GGT5: variants seen among roughly 807,000 people sequenced by gnomAD.
The protein encoded by GGT5 is gamma-glutamyltransferase 5.
GGT5 carries 50 observed loss-of-function variants against 58.1 expected under a neutral mutation model. The observed-to-expected ratio is 0.86, with a 90% confidence interval of 0.69 to 1.09. GGT5 has a LOEUF of 1.09. Among genes scored for constraint, GGT5 ranks in the 50% least tolerant of loss-of-function variants. The pLI is 0.00. For missense variants in GGT5, 800 were observed against 789.4 expected, an observed-to-expected ratio of 1.01 and a Z score of -0.16; for synonymous variants, 370 against 346.1, an observed-to-expected ratio of 1.07 and a Z score of -0.77.
chr22:24,239,207 C>T (rs1191740963), intron 1 of GGT5, among the ~76,000 whole-genome samples: 1 of 150,534 alleles, frequency 6.6e-6, no homozygotes, highest in Middle Eastern at 3.2e-3. Context: ...GGCGTGGTGG[C>T]GGGTGACTGT....
At chr22:24,224,915 G>T in intron 11 of GGT5, 81 bp downstream of exon 11, 2 of 875,646 alleles carry the variant, frequency 2.3e-6, no homozygotes, top group Non-Finnish European at 1.8e-6. Context: ...CAGTGACTGA[G>T]TTCCTCCCAG....
intron 1 of GGT5, among the ~76,000 whole-genome samples, chr22:24,237,405 ATATTTATT>A (rs67402234): frequency 7.9e-5 from 12 of 151,188 alleles, no homozygotes; most frequent in African/African-American, 2.7e-4. Context: ...AAATTATTTT[ATATTTATT>A]TATTTATTTA....
rs2047791528 is a variant in GGT5 at position 24,227,071 on chromosome 22, C to T, written c.902-304G>A. The stretch of plus-strand genomic sequence containing the variant: ...TCAAGTGATTCTTGGTCCTTAGTCT[C>T]CTGAGTAGCTGAGACTACATGTGTT... On this transcript the variant is annotated intron_variant, in intron 6 of 11. Transcript: ENST00000327365. Among the ~76,000 whole-genome samples the T allele has an allele frequency of 2.6e-5, 4 of 151,030 alleles. No homozygotes were observed. The Admixed American group carries it at 2.7e-4, about 10-fold the overall frequency.
Position 24,233,496 on chromosome 22 carries a change from A to C in GGT5, c.400+2T>G. On this transcript the variant is annotated splice_donor_variant, in intron 3 of 11. Coordinates refer to ENST00000327365, the MANE Select transcript of GGT5 (RefSeq NM_004121.5). LOFTEE classifies it high-confidence loss of function. Reference sequence around the variant, plus strand: ...GAGTGGGGGACCTCCATGGGGCGTCACCTGTGCCCAGTGGCAGAGCCTGTG... The same window carrying C: ...GAGTGGGGGACCTCCATGGGGCGTCCCCTGTGCCCAGTGGCAGAGCCTGTG... 6.3e-7 allele frequency: 1 copy of C among 1,576,826 alleles called. No homozygotes were observed. Among genetic ancestry groups the C allele is most frequent in the Non-Finnish European group, 8.7e-7 (1 of 1,155,342 alleles).
At chr22:24,226,028 T>C in intron 8 of GGT5, 48 bp downstream of exon 8, 1 of 1,345,574 alleles carries the variant, frequency 7.4e-7, no homozygotes, top group Non-Finnish European at 1.0e-6. Flanking sequence ...TGTGCAGGTC[T>C]AGGAGAGGAG....
intron 11 of GGT5, among the ~76,000 whole-genome samples, chr22:24,223,671 C>G (rs1460879865): frequency 6.6e-6 from 1 of 150,964 alleles, no homozygotes; most frequent in African/African-American, 2.4e-5. Context: ...GTTCTAAGGG[C>G]TTTGGAAGGT....
At chr22:24,238,238 A>AG in intron 1 of GGT5, among the ~76,000 whole-genome samples, 1 of 149,920 alleles carries the variant, frequency 6.7e-6, no homozygotes, top group East Asian at 2.0e-4. Context: ...CAAAAAAAAA[A>AG]AAAAAAAAAG....
intron 6 of GGT5, among the ~76,000 whole-genome samples, chr22:24,227,553 A>G (rs1431618976): frequency 6.6e-6 from 1 of 152,100 alleles, no homozygotes; most frequent in African/African-American, 2.4e-5. Context: ...GGCCTAAAGT[A>G]CGTTAAAGAT....
In GGT5 at chr22:24,228,050, AAAAAAAAAAAAAAAAACAAAAC is replaced by A. The variant is rs977441657; in HGVS notation, c.902-1305_902-1284del. 4.4e-4 allele frequency among the ~76,000 whole-genome samples: 49 copies of A among 110,446 alleles called. 3 individuals are homozygous for A. In the East Asian group the frequency reaches 6.9e-3, roughly 16 times the overall value. 72.5% of individuals were successfully genotyped at this position (110,446 alleles called of 152,430 possible). On this transcript the variant is annotated intron_variant, in intron 6 of 11. Transcript: ENST00000327365. ...GTAAACAGAGCAAGACTCTGTCTCA[AAAAAAAAAAAAAAAAACAAAAC>A]AAAAAAAAAAAAACTCTGAAAAATA... is the stretch of plus-strand genomic sequence containing the variant.
In GGT5 at chr22:24,220,081, G is replaced by C; in HGVS notation, c.1650C>G (p.Asn550Lys). Residue 550 changes from asparagine to lysine, a missense_variant, in exon 12 of 12, where the codon AAC (asparagine) becomes AAG (lysine). Coordinates refer to ENST00000327365, the MANE Select transcript of GGT5 (RefSeq NM_004121.5). ...VQRGLQDRGQ[N>K]QTQRPFFLNV... ...TCAGGAAGAAGGGCCTCTGGGTCTG[G>C]TTCTGGCCACGGTCTTGGAGTCCCC... 1.2e-6 allele frequency: 2 copies of C among 1,614,192 alleles called. No individual in the cohort carries two copies. Among genetic ancestry groups the C allele is most frequent in the Non-Finnish European group, 1.7e-6 (2 of 1,180,014 alleles).
At chr22:24,243,698 A>G (rs918430562) in intron 1 of GGT5, 16 of 152,332 alleles carry the variant, frequency 1.1e-4, no homozygotes, top group Admixed American at 6.5e-5. Context: ...CCTCTGCAGC[A>G]GCAGCAGCGG....
intron 11 of GGT5, among the ~76,000 whole-genome samples, chr22:24,221,810 C>G (rs1044238153): frequency 2.0e-5 from 3 of 151,970 alleles, no homozygotes; most frequent in African/African-American, 7.2e-5. Context: ...GCAGCCAACT[C>G]CCTATGATTT....
At chr22:24,220,387 A>G (rs2047554856) in intron 11 of GGT5, 2 of 586,416 alleles carry the variant, frequency 3.4e-6, no homozygotes, top group South Asian at 3.1e-5. Flanking sequence ...TTCTGGATCC[A>G]AGGACACCAG....
intron 6 of GGT5, 119 bp downstream of exon 6, chr22:24,231,265 G>T: frequency 1.5e-6 from 1 of 659,572 alleles, no homozygotes; most frequent in Non-Finnish European, 2.6e-6. Context: ...TGTGAACCCG[G>T]TTTATGGAGG....
intron 1 of GGT5, among the ~76,000 whole-genome samples, chr22:24,238,906 T>TTA (rs1419221592): frequency 0.068 from 1,006 of 14,758 alleles, 67 homozygotes; most frequent in Non-Finnish European, 0.074. Context: ...TATATATATA[T>TTA]TATATATATT....
Position 24,219,870 on chromosome 22 carries a change from G to A in GGT5, c.*100C>T. The A allele has an allele frequency of 8.3e-7, 1 of 1,199,094 alleles. No homozygotes were observed. Among genetic ancestry groups the A allele is most frequent in the South Asian group, 1.4e-5 (1 of 71,810 alleles). The allele number at this position is 1,199,094 out of a possible 1,614,324, so 74.3% of individuals were successfully genotyped here. Reference sequence around the variant, plus strand: ...ACTCTCAGCTGGACTCCCCTGCCAGGGGTCCAGATCCTGCCAGAGTAGTTG... The same window carrying A: ...ACTCTCAGCTGGACTCCCCTGCCAGAGGTCCAGATCCTGCCAGAGTAGTTG... On this transcript the variant is annotated 3_prime_UTR_variant, in exon 12 of 12. Coordinates refer to ENST00000327365, the MANE Select transcript of GGT5 (RefSeq NM_004121.5).
chr22:24,226,899 G>C, intron 6 of GGT5, 132 bp from the exon 7 acceptor site: 1 of 543,294 alleles, frequency 1.8e-6, no homozygotes, highest in Non-Finnish European at 3.3e-6. Context: ...ACCTTATACA[G>C]CACAAGAGTG....
intron 1 of GGT5, chr22:24,244,314 C>A: frequency 2.5e-6 from 1 of 401,554 alleles, no homozygotes; most frequent in East Asian, 4.3e-5. Context: ...CACACACACA[C>A]ACCCACCCAC....
intron 10 of GGT5, 57 bp downstream of exon 10, chr22:24,225,188 A>G (rs894850599): frequency 6.3e-7 from 1 of 1,592,764 alleles, no homozygotes. Flanking sequence ...CTCCAGAGAC[A>G]GTCAGACAGT....
Sources: gnomAD v4.1 joint callset for allele counts (sites outside exome capture counted in the v4.1 genomes callset) on GRCh38, gnomAD v4.1.1 for gene constraint, MANE v1.5 for transcripts, NCBI Gene and HGNC (gene_info 2026-07-23, HGNC 2026-07-21) for gene names.